Variants in NBAS observed in about 807,000 individuals in gnomAD.
The protein encoded by NBAS is NAG/BC035112 fusion.
NBAS carries 219 observed loss-of-function variants against 302.5 expected under a neutral mutation model. The observed-to-expected ratio is 0.72, with a 90% CI of 0.65 to 0.81. NBAS has a LOEUF of 0.81. Ranked by LOEUF, NBAS falls within the 30% of genes least tolerant of loss-of-function variation. The pLI, the probability that NBAS is intolerant of heterozygous loss-of-function variation, is 0.00. For synonymous variants in NBAS, 1,118 were observed against 1,021.6 expected (o/e 1.09, Z -1.80); for missense variants, 2,932 against 2,841.6 (o/e 1.03, Z -0.72).
chr2:15,143,504 G>C, the NBAS span, among the ~76,000 whole-genome samples: 3 of 152,214 alleles, frequency 2.0e-5, no homozygotes, highest in Non-Finnish European at 4.4e-5. Context: ...GGGCATGTCT[G>C]TGAGATGGGT....
In NBAS at chr2:15,510,778, CA is replaced by C. The variant is rs1255333370; in HGVS notation, c.885+433del. The stretch of plus-strand genomic sequence containing the variant: ...CCATTTGCTAGCTGGATGATCAGGG[CA>C]ACTTACTTAACTACACCTCACTTAC... On this transcript the variant is annotated intron_variant, in intron 10 of 51. Transcript: ENST00000281513. Among the ~76,000 whole-genome samples, 4 of 152,264 alleles carry C rather than the reference CA, an allele frequency of 2.6e-5. No homozygotes were observed. The East Asian group carries it at 7.7e-4, about 29-fold the overall frequency.
intron 51 of NBAS, among the ~76,000 whole-genome samples, chr2:15,168,299 C>T (rs540224109): frequency 4.5e-4 from 69 of 152,326 alleles, no homozygotes; most frequent in African/African-American, 1.6e-3. Context: ...ACACAATGTG[C>T]TCTTCCTGCA....
At chr2:15,456,059 CATTTTA>C (rs1679235937) in intron 21 of NBAS, among the ~76,000 whole-genome samples, 1 of 152,034 alleles carries the variant, frequency 6.6e-6, no homozygotes, top group Non-Finnish European at 1.5e-5. Context: ...AAAATGTAAA[CATTTTA>C]TAACAGTTAC....
the NBAS span, among the ~76,000 whole-genome samples, chr2:15,006,921 T>G: frequency 1.3e-5 from 2 of 152,216 alleles, no homozygotes; most frequent in Admixed American, 6.5e-5. Context: ...GTTTCTGACT[T>G]TCATTTGTAT....
intron 9 of NBAS, among the ~76,000 whole-genome samples, chr2:15,515,202 G>C (rs1405851540): frequency 6.6e-6 from 1 of 151,614 alleles, no homozygotes; most frequent in Non-Finnish European, 1.5e-5. Context: ...GATGAACAAG[G>C]CATGTGCTCT....
At chr2:15,297,633 C>T (rs893183765) in intron 40 of NBAS, among the ~76,000 whole-genome samples, 2 of 152,216 alleles carry the variant, frequency 1.3e-5, no homozygotes, top group Non-Finnish European at 2.9e-5. Flanking sequence ...GCCATGCTTC[C>T]TGTTAAGCCT....
In NBAS at chr2:15,169,355, G is replaced by A. The variant is rs555715663; in HGVS notation, c.6841-2032C>T. 3.1e-4 allele frequency among the ~76,000 whole-genome samples: 47 copies of A among 152,294 alleles called. No homozygotes were observed. The South Asian group carries it at 9.8e-3, about 32-fold the overall frequency. On this transcript the variant is annotated intron_variant, in intron 51 of 51. Coordinates refer to ENST00000281513, the MANE Select transcript of NBAS (RefSeq NM_015909.4). ...TTGCTTTTGTGCTGGAAGGGGCACG[G>A]AGCTTTGACTTCTCCTCGCTGGGGC...
chr2:14,908,814 G>A, the NBAS span, among the ~76,000 whole-genome samples: 3 of 152,152 alleles, frequency 2.0e-5, no homozygotes, highest in East Asian at 3.9e-4. Context: ...CTCTCAACAC[G>A]CTGATGCCAG....
chr2:15,059,247 G>A, the NBAS span, among the ~76,000 whole-genome samples: 1 of 152,200 alleles, frequency 6.6e-6, no homozygotes, highest in Non-Finnish European at 1.5e-5. Context: ...GTTTTCATGA[G>A]GACAACACCT....
chr2:15,371,644 T>G (rs1312407016), intron 31 of NBAS, among the ~76,000 whole-genome samples: 1 of 152,206 alleles, frequency 6.6e-6, no homozygotes, highest in Non-Finnish European at 1.5e-5. Context: ...CATGACACTC[T>G]GGGGTAATCC....
the NBAS span, among the ~76,000 whole-genome samples, chr2:15,058,194 A>G: frequency 2.0e-5 from 3 of 152,236 alleles, no homozygotes; most frequent in African/African-American, 7.2e-5. Context: ...GTGGTTCTCA[A>G]TGCAGAGCGT....
chr2:15,078,080 G>A, the NBAS span, among the ~76,000 whole-genome samples: 1 of 152,166 alleles, frequency 6.6e-6, no homozygotes, highest in African/African-American at 2.4e-5. Context: ...CATTTTGGAT[G>A]TAGGGCCAAG....
At chr2:15,527,574 T>G (rs1377389779) in intron 9 of NBAS, among the ~76,000 whole-genome samples, 1 of 152,178 alleles carries the variant, frequency 6.6e-6, no homozygotes, top group Non-Finnish European at 1.5e-5. Flanking sequence ...AGACAACGCG[T>G]GGAGCCTCTT....
chr2:15,385,888 T>C (rs1002433945), intron 28 of NBAS, among the ~76,000 whole-genome samples: 8 of 152,048 alleles, frequency 5.3e-5, no homozygotes, highest in African/African-American at 1.7e-4. Flanking sequence ...GGGAACTAAT[T>C]TGGGGGGTTG....
At chr2:14,961,538 T>C in the NBAS span, among the ~76,000 whole-genome samples, 10 of 152,324 alleles carry the variant, frequency 6.6e-5, no homozygotes, top group Middle Eastern at 3.4e-3. Context: ...CAGATGCAGA[T>C]GCCAATGCCA....
chr2:15,254,085 C>T (rs545695597), intron 44 of NBAS, among the ~76,000 whole-genome samples: 1 of 152,244 alleles, frequency 6.6e-6, no homozygotes, highest in Admixed American at 6.5e-5. Flanking sequence ...TATGCAACTT[C>T]TCCAATTACT....
At chr2:14,801,609 T>G in the NBAS span, among the ~76,000 whole-genome samples, 1 of 152,152 alleles carries the variant, frequency 6.6e-6, no homozygotes, top group Non-Finnish European at 1.5e-5. Flanking sequence ...CATCATTCTA[T>G]TCCCTGTAAT....
chr2:15,326,900 C>G (rs1280065236), intron 38 of NBAS, among the ~76,000 whole-genome samples: 1 of 152,062 alleles, frequency 6.6e-6, no homozygotes, highest in Non-Finnish European at 1.5e-5. Context: ...AAAAAAACAT[C>G]TAAAATAAGC....
chr2:14,979,375 A>T, the NBAS span, among the ~76,000 whole-genome samples: 1 of 152,234 alleles, frequency 6.6e-6, no homozygotes, highest in African/African-American at 2.4e-5. Flanking sequence ...TGTTCTATTT[A>T]TCAGTGGTCA....
Sources: gnomAD v4.1 joint callset for allele counts (sites outside exome capture counted in the v4.1 genomes callset) on GRCh38, gnomAD v4.1.1 for gene constraint, MANE v1.5 for transcripts, NCBI Gene and HGNC (gene_info 2026-07-23, HGNC 2026-07-21) for gene names.